The following FAT3 variants were observed in gnomAD, a reference collection of about 807,000 sequenced individuals.
FAT3 encodes the protein protocadherin Fat 3.
FAT3 carries 95 observed loss-of-function variants against 310.2 expected under a neutral mutation model. The observed-to-expected ratio is 0.31, with a 90% confidence interval of 0.26 to 0.36. FAT3 has a LOEUF of 0.36. Ranked by LOEUF, FAT3 falls within the 10% of genes least tolerant of loss-of-function variation. The pLI is 1.00. For synonymous variants in FAT3, 2,314 were observed against 2,192.9 expected (o/e 1.06, Z -1.54); for missense variants, 5,408 against 5,715.6 (o/e 0.95, Z 1.74).
intron 2 of FAT3, among the ~76,000 whole-genome samples, chr11:92,519,845 A>G (rs911205447): frequency 7.9e-5 from 12 of 152,158 alleles, no homozygotes; most frequent in Admixed American, 3.9e-4. Flanking sequence ...TAGAATATCT[A>G]CATTTGAGAC....
intron 3 of FAT3, among the ~76,000 whole-genome samples, chr11:92,586,785 T>C (rs1241301394): frequency 6.6e-6 from 1 of 152,030 alleles, no homozygotes; most frequent in Middle Eastern, 3.2e-3. Context: ...GGGGGGAACA[T>C]ACTTTCATGC....
rs115410054 is a variant in FAT3, at chr11:92,699,873, A to T, written c.3669+2428A>T. On this transcript the variant is annotated intron_variant, in intron 4 of 27. Coordinates refer to ENST00000525166, the MANE Select transcript of FAT3 (RefSeq NM_001367949.2). ...GTTGATTGTTGTGGTTTTAAGTATT[A>T]TCACATGATGACATAATATCAGAAG... Among the ~76,000 whole-genome samples the T allele has an allele frequency of 4.4e-3, 675 of 152,318 alleles. 4 individuals are homozygous for T. The highest frequency in any genetic ancestry group is 0.016 in the African/African-American group (646 of 41,572).
intron 2 of FAT3, among the ~76,000 whole-genome samples, chr11:92,423,055 A>G (rs1217130684): frequency 6.6e-6 from 1 of 152,218 alleles, no homozygotes; most frequent in Admixed American, 6.5e-5. Context: ...TTTACACTAA[A>G]AGCATTTCAT....
At chr11:92,267,072 C>CCTTGCCTGTCACGT (rs1388545236) in intron 1 of FAT3, among the ~76,000 whole-genome samples, 72 of 117,646 alleles carry the variant, frequency 6.1e-4, no homozygotes, top group African/African-American at 2.7e-3. Flanking sequence ...GCCTGTCACG[C>CCTTGCCTGTCACGT]GGGTGTAGCT....
chr11:92,651,035 A>G (rs1942359498), intron 3 of FAT3, among the ~76,000 whole-genome samples: 1 of 152,146 alleles, frequency 6.6e-6, no homozygotes, highest in South Asian at 2.1e-4. Context: ...TCAGTTCATG[A>G]TGTTGGTTTC....
intron 21 of FAT3, among the ~76,000 whole-genome samples, chr11:92,864,660 A>G (rs1949194806): frequency 6.6e-6 from 1 of 152,094 alleles, no homozygotes; most frequent in South Asian, 2.1e-4. Context: ...TACTGAAAAT[A>G]GAAAAAATTA....
intron 2 of FAT3, among the ~76,000 whole-genome samples, chr11:92,362,619 C>A (rs1165109665): frequency 6.6e-6 from 1 of 152,174 alleles, no homozygotes; most frequent in East Asian, 1.9e-4. Context: ...GATTACGACA[C>A]TATTTTTGTT....
chr11:92,726,019 T>G (rs138024899), intron 4 of FAT3, among the ~76,000 whole-genome samples: 69 of 152,208 alleles, frequency 4.5e-4, no homozygotes, highest in Non-Finnish European at 7.4e-5. Flanking sequence ...AAGGAAAAAA[T>G]AATTATTTAA....
At chr11:92,878,574 ATCC>A (rs1230419550) in intron 22 of FAT3, among the ~76,000 whole-genome samples, 2 of 146,688 alleles carry the variant, frequency 1.4e-5, no homozygotes, top group African/African-American at 5.0e-5. Context: ...TATTATTAAT[ATCC>A]TCAGACAGAT....
At chr11:92,850,499 C>T (rs7112956) in intron 19 of FAT3, among the ~76,000 whole-genome samples, 23,045 of 152,128 alleles carry the variant, frequency 0.15, 1,810 homozygotes, top group East Asian at 0.23. Context: ...TCTCTGCTTC[C>T]GAGAGAACCA....
intron 3 of FAT3, among the ~76,000 whole-genome samples, chr11:92,623,619 T>A (rs1000222225): frequency 1.5e-4 from 23 of 152,138 alleles, no homozygotes; most frequent in Admixed American, 1.5e-3. Context: ...ACATTTAGGG[T>A]GTAACAGAAT....
intron 1 of FAT3, among the ~76,000 whole-genome samples, chr11:92,261,780 C>G (rs1865565525): frequency 6.6e-6 from 1 of 152,068 alleles, no homozygotes; most frequent in African/African-American, 2.4e-5. Context: ...AGGTTAAGTG[C>G]AATGTACTTT....
At chr11:92,595,944 A>C (rs1311091305) in intron 3 of FAT3, among the ~76,000 whole-genome samples, 5 of 152,162 alleles carry the variant, frequency 3.3e-5, no homozygotes, top group Non-Finnish European at 7.3e-5. Flanking sequence ...TTTCTTGACT[A>C]ACCTGGAACA....
chr11:92,349,230 C>T (rs1948497060), intron 1 of FAT3, among the ~76,000 whole-genome samples: 1 of 152,110 alleles, frequency 6.6e-6, no homozygotes, highest in Admixed American at 6.5e-5. Context: ...GGAGTGATCC[C>T]AGTATTTCAC....
chr11:92,377,395 ACTAAGTT>A (rs763649516), intron 2 of FAT3, among the ~76,000 whole-genome samples: 7 of 152,180 alleles, frequency 4.6e-5, no homozygotes, highest in Non-Finnish European at 7.3e-5. Context: ...TTGTTCAGTC[ACTAAGTT>A]CTGACTCCAT....
intron 1 of FAT3, among the ~76,000 whole-genome samples, chr11:92,239,817 A>C (rs775187294): frequency 2.0e-5 from 3 of 152,134 alleles, no homozygotes; most frequent in African/African-American, 4.8e-5. Flanking sequence ...TTTGCATAAA[A>C]GAGTCTTTGA....
chr11:92,878,054 A>G (rs1174251688), intron 22 of FAT3, among the ~76,000 whole-genome samples: 3 of 152,222 alleles, frequency 2.0e-5, no homozygotes, highest in Admixed American at 6.5e-5. Flanking sequence ...ATACATGAGC[A>G]TGTGCACATA....
At chr11:92,520,105 G>A (rs616887) in intron 2 of FAT3, among the ~76,000 whole-genome samples, 72,379 of 151,728 alleles carry the variant, frequency 0.48, 17,501 homozygotes, top group Middle Eastern at 0.58. Context: ...CAATTGGTCA[G>A]TGGTTAAAAA....
intron 1 of FAT3, among the ~76,000 whole-genome samples, chr11:92,313,773 C>T (rs985098436): frequency 2.0e-5 from 3 of 152,082 alleles, no homozygotes; most frequent in Non-Finnish European, 1.5e-5. Flanking sequence ...TTGGTCAGGC[C>T]GGTCTTGAAC....
Sources: allele counts gnomAD v4.1 joint callset (sites outside exome capture counted in the v4.1 genomes callset), GRCh38; gene constraint gnomAD v4.1.1; transcripts MANE v1.5; gene names NCBI Gene and HGNC (gene_info 2026-07-23, HGNC 2026-07-21).